The following OTOF variants were observed in gnomAD, a reference collection of about 807,000 sequenced individuals.
The protein encoded by OTOF is otoferlin, also known as fer-1-like family member 2.
Under a neutral mutation model 236.8 loss-of-function variants are expected in OTOF, and 218 were observed. The observed-to-expected ratio is 0.92, with a 90% CI of 0.82 to 1.03. The LOEUF (loss-of-function observed/expected upper bound fraction) is 1.03. Among genes scored for constraint, OTOF ranks in the 50% least tolerant of loss-of-function variants. The pLI, the probability that OTOF is intolerant of heterozygous loss-of-function variation, is 0.00. For synonymous variants in OTOF, 1,041 were observed against 1,072.5 expected, an observed-to-expected ratio of 0.97 and a Z score of 0.57; for missense variants, 2,590 against 2,694.4, an observed-to-expected ratio of 0.96 and a Z score of 0.86.
At position 26,464,118 on chromosome 2, in the gene OTOF, G is replaced by C; in HGVS notation, c.4961-12C>G. 1 of 1,613,014 alleles carries C rather than the reference G, an allele frequency of 6.2e-7. No individual in the cohort carries two copies. Among genetic ancestry groups the C allele is most frequent in the Non-Finnish European group, 8.5e-7 (1 of 1,179,934 alleles). ...GGGCTTCCTCTGACCTGTGGGTGCC[G>C]GCGGCTCAGCTGCACACATGGCTCA... is the stretch of plus-strand genomic sequence containing the variant. On this transcript the variant is annotated splice_polypyrimidine_tract_variant and intron_variant, in intron 39 of 46. Coordinates refer to ENST00000272371, the MANE Select transcript of OTOF (RefSeq NM_194248.3).
chr2:26,505,976 A>G (rs1011585682), intron 5 of OTOF, among the ~76,000 whole-genome samples: 3 of 152,236 alleles, frequency 2.0e-5, no homozygotes, highest in African/African-American at 4.8e-5. Flanking sequence ...TGCTGGTGAC[A>G]TAACATTGAA....
In OTOF at chr2:26,460,846, G is replaced by T. The variant is rs200435099; in HGVS notation, c.5712+6C>A. 1 of 1,614,062 alleles carries T rather than the reference G, an allele frequency of 6.2e-7. No homozygotes were observed. ...GCCTACTGCCCGAGCAGGAAGGGGT[G>T]CGCACCGTGAGCTCAAACTCATCGT... On this transcript the variant is annotated splice_donor_region_variant and intron_variant, in intron 44 of 46. Transcript: ENST00000272371. This position sits in a 1 kb window ranked among gnomAD's most constrained non-coding sequence, Gnocchi z 5.3.
chr2:26,487,443 G>A (rs1382331931), intron 11 of OTOF, among the ~76,000 whole-genome samples: 8 of 151,084 alleles, frequency 5.3e-5, no homozygotes, highest in Non-Finnish European at 1.0e-4. Context: ...TGTTTCTGCC[G>A]CTTACTCACA....
At chr2:26,518,653 A>G (rs763726216) in intron 4 of OTOF, among the ~76,000 whole-genome samples, 1 of 152,274 alleles carries the variant, frequency 6.6e-6, no homozygotes, top group Admixed American at 6.5e-5. Context: ...AGATGTGCAG[A>G]GTGAAGGTCA....
chr2:26,465,625 G>A, intron 38 of OTOF, 47 bp downstream of exon 38: 2 of 1,582,562 alleles, frequency 1.3e-6, no homozygotes, highest in Admixed American at 3.3e-5. Flanking sequence ...TAGAGTGGAG[G>A]CAAAGCAGGC....
chr2:26,464,106 C>G lies in OTOF; in HGVS notation c.4961G>C (p.Gly1654Ala), dbSNP rs1340280815. The G allele has an allele frequency of 3.1e-6, 5 of 1,613,342 alleles. No homozygotes were observed. In the Admixed American group the frequency reaches 5.0e-5, roughly 16 times the overall value. The stretch of plus-strand genomic sequence containing the variant: ...ATGCTCGTCTGTGGGCTTCCTCTGA[C>G]CTGTGGGTGCCGGCGGCTCAGCTGC... ...TGPSEIEDEN[G>A]QRKPTDEHVA... The change falls in exon 40 of 47, where the codon GGT (glycine) becomes GCT (alanine). Residue 1654 changes from glycine to alanine, a missense_variant and splice_region_variant. Transcript: ENST00000272371.
In OTOF at chr2:26,460,506, G is replaced by A. The variant is rs1382290192; in HGVS notation, c.5813+141C>T. On this transcript the variant is annotated intron_variant, in intron 45 of 46. Transcript: ENST00000272371. This position sits in a 1 kb window ranked among gnomAD's most constrained non-coding sequence, Gnocchi z 5.3. ...TCAAAGGGACGTTGTGGGATTCAGG[G>A]TTGGCAGAGGGCAGGGAGGAGGCTC... The A allele has an allele frequency of 1.2e-5, 9 of 734,040 alleles. No homozygotes were observed. The highest frequency in any genetic ancestry group is 1.1e-4 in the South Asian group (7 of 62,348). 45.5% of individuals were successfully genotyped at this position (734,040 alleles called of 1,614,324 possible).
rs1348815840 is a variant in OTOF, at chr2:26,482,992, G to C, written c.1393-400C>G. On this transcript the variant is annotated intron_variant, in intron 13 of 46. Coordinates refer to ENST00000272371, the MANE Select transcript of OTOF (RefSeq NM_194248.3). ...GTGGGTATGCGTGCGTGTGTGAGTG[G>C]GTGCATGTGTGCATGTGTGAATGGG... is the stretch of plus-strand genomic sequence containing the variant. Among the ~76,000 whole-genome samples, 3 of 134,754 alleles carry C rather than the reference G, an allele frequency of 2.2e-5. No homozygotes were observed. In the South Asian group the frequency reaches 7.4e-4, roughly 33 times the overall value. 88.4% of individuals were successfully genotyped at this position (134,754 alleles called of 152,430 possible). A position where few individuals can be genotyped will look rare whatever the true frequency, so the allele number is the denominator to read the frequency against.
chr2:26,523,821 G>A (rs964735083), intron 3 of OTOF, among the ~76,000 whole-genome samples: 4 of 152,246 alleles, frequency 2.6e-5, no homozygotes, highest in East Asian at 1.9e-4. Context: ...ATGAGAAGGA[G>A]CCTGGGGTCT....
intron 1 of OTOF, among the ~76,000 whole-genome samples, chr2:26,543,105 C>T (rs1179565466): frequency 2.0e-5 from 3 of 152,304 alleles, no homozygotes; most frequent in South Asian, 4.1e-4. Flanking sequence ...CATGTCCTGG[C>T]GTCTCCTCTC....
intron 1 of OTOF, among the ~76,000 whole-genome samples, chr2:26,554,076 CAGA>C (rs1667528304): frequency 6.9e-6 from 1 of 145,094 alleles, no homozygotes; most frequent in Non-Finnish European, 1.5e-5. Flanking sequence ...GAGGCTGAGG[CAGA>C]AGAATCGCTT....
At chr2:26,481,434 T>A (rs1004942034) in intron 14 of OTOF, among the ~76,000 whole-genome samples, 14 of 152,220 alleles carry the variant, frequency 9.2e-5, no homozygotes, top group Admixed American at 7.2e-4. Flanking sequence ...TCTCTGCCTG[T>A]GAAATGCTGC....
At chr2:26,545,837 G>GAC (rs1394194962) in intron 1 of OTOF, among the ~76,000 whole-genome samples, 2 of 152,060 alleles carry the variant, frequency 1.3e-5, no homozygotes, top group East Asian at 3.8e-4. Context: ...TTTATTTCTG[G>GAC]ACACTATTCT....
Position 26,460,333 on chromosome 2 carries a change from C to A in OTOF, c.5814-128G>T. 1.2e-6 allele frequency: 1 copy of A among 803,610 alleles called. No individual in the cohort carries two copies. Among genetic ancestry groups the A allele is most frequent in the Non-Finnish European group, 2.1e-6 (1 of 486,324 alleles). 49.8% of individuals were successfully genotyped at this position (803,610 alleles called of 1,614,324 possible). On this transcript the variant is annotated intron_variant, in intron 45 of 46. Transcript: ENST00000272371. The surrounding 1 kb of genome is among the most constrained non-coding windows in gnomAD (Gnocchi z 5.3). Reference sequence around the variant, plus strand: ...GTGCAGTTCTAGGCACCCCTCTGGCCATCAAGGCTGGCCATGGCCCCAGAG... The same window carrying A: ...GTGCAGTTCTAGGCACCCCTCTGGCAATCAAGGCTGGCCATGGCCCCAGAG...
chr2:26,507,340 A>G (rs555591225), intron 5 of OTOF, among the ~76,000 whole-genome samples: 2 of 152,370 alleles, frequency 1.3e-5, no homozygotes, highest in Non-Finnish European at 2.9e-5. Context: ...GTAACACATC[A>G]GAAGTTCACT....
chr2:26,491,744 G>A (rs1266588152), intron 9 of OTOF, among the ~76,000 whole-genome samples: 1 of 152,182 alleles, frequency 6.6e-6, no homozygotes, highest in African/African-American at 2.4e-5. Context: ...GTTCCGGAAG[G>A]GCAAAGGTTT....
At chr2:26,529,210 CG>C (rs1666882103) in intron 2 of OTOF, among the ~76,000 whole-genome samples, 1 of 152,170 alleles carries the variant, frequency 6.6e-6, no homozygotes, top group South Asian at 2.1e-4. Context: ...GACCAGACAA[CG>C]CTGAGGTCTG....
intron 9 of OTOF, among the ~76,000 whole-genome samples, 161 bp from the exon 10 acceptor site, chr2:26,489,901 T>C (rs771697511): frequency 2.0e-5 from 3 of 152,148 alleles, no homozygotes; most frequent in Non-Finnish European, 4.4e-5. Flanking sequence ...CTGATCCTGA[T>C]TGACCCTGGT....
chr2:26,459,503 G>A (rs997040903), intron 46 of OTOF, among the ~76,000 whole-genome samples: 8 of 142,860 alleles, frequency 5.6e-5, no homozygotes, highest in South Asian at 2.2e-4. Flanking sequence ...AGTGAGCCAA[G>A]ATTGTGCCAC....
Sources: gnomAD v4.1 joint callset for allele counts (sites outside exome capture counted in the v4.1 genomes callset) on GRCh38, gnomAD v4.1.1 for gene constraint, Gnocchi (gnomAD v3.1) non-coding constraint, MANE v1.5 for transcripts, NCBI Gene and HGNC (gene_info 2026-07-23, HGNC 2026-07-21) for gene names.